Variants in CDKN2AIPNL observed in about 807,000 individuals in gnomAD.
CDKN2AIPNL encodes the protein XRN2 binding domain containing 1.
Under a neutral mutation model 12.9 loss-of-function variants are expected in CDKN2AIPNL, and 9 were observed. The ratio of observed to expected loss-of-function variants is 0.70; its 90% CI spans 0.42 to 1.22. The LOEUF (loss-of-function observed/expected upper bound fraction) is 1.22, where lower values mean the gene tolerates loss of function less well. CDKN2AIPNL is among the 50% of genes most tolerant of loss of function. The pLI is 0.00. For missense variants in CDKN2AIPNL, 143 were observed against 153.6 expected (o/e 0.93, Z 0.37); for synonymous variants, 53 against 61.7 (o/e 0.86, Z 0.66).
rs1203616496 is a variant in CDKN2AIPNL at position 134,402,255 on chromosome 5, C to G, written c.*660G>C. The G allele has an allele frequency of 2.0e-5, 3 of 152,080 alleles. No individual in the cohort carries two copies. Among genetic ancestry groups the G allele is most frequent in the African/African-American group, 7.2e-5 (3 of 41,386 alleles). The allele number at this position is 152,080 out of a possible 1,614,324, so 9.4% of individuals were successfully genotyped here. A position where few individuals can be genotyped will look rare whatever the true frequency, so the allele number is the denominator to read the frequency against. On this transcript the variant is annotated 3_prime_UTR_variant, in exon 3 of 3. Transcript: ENST00000458198. ...GGGATTACAGATGTCCGCCACCATG[C>G]CCAGCTAATTTTGTTTGTATTTTTA...
At chr5:134,408,624 G>T (rs1759143229) in intron 2 of CDKN2AIPNL, among the ~76,000 whole-genome samples, 1 of 151,644 alleles carries the variant, frequency 6.6e-6, no homozygotes, top group African/African-American at 2.4e-5. Context: ...GGCAGAGCTT[G>T]CAGTGAGCCC....
chr5:134,404,445 T>A (rs557222644), intron 2 of CDKN2AIPNL, among the ~76,000 whole-genome samples: 1 of 152,200 alleles, frequency 6.6e-6, no homozygotes, highest in South Asian at 2.1e-4. Flanking sequence ...CACCTCAGCC[T>A]CTCGAGTAGC....
At chr5:134,411,210 T>C (rs1419716167) in intron 1 of CDKN2AIPNL, 2 of 659,868 alleles carry the variant, frequency 3.0e-6, no homozygotes, top group Non-Finnish European at 5.5e-6. Context: ...CTTTTTCATC[T>C]GTAAAATGGG....
At position 134,410,260 on chromosome 5, in the gene CDKN2AIPNL, C is replaced by T. The variant is rs542570053; in HGVS notation, c.240-258G>A. ...AAGCAATTCTCCTGCCTCAGCCTCC[C>T]GAGTAGCTGGGATTACAGGCGTGTG... On this transcript the variant is annotated intron_variant, in intron 1 of 2. Transcript: ENST00000458198. Among the ~76,000 whole-genome samples the T allele has an allele frequency of 3.3e-5, 5 of 152,236 alleles. No individual in the cohort carries two copies. In the South Asian group the frequency reaches 8.3e-4, roughly 25 times the overall value.
intron 1 of CDKN2AIPNL, chr5:134,411,106 A>G (rs1759184068): frequency 1.4e-6 from 1 of 702,600 alleles, no homozygotes; most frequent in Non-Finnish European, 2.6e-6. Context: ...AGAAAAAGCC[A>G]TAGGATACAG....
intron 2 of CDKN2AIPNL, among the ~76,000 whole-genome samples, chr5:134,407,648 G>C (rs369332081): frequency 1.3e-5 from 2 of 151,846 alleles, no homozygotes; most frequent in African/African-American, 4.8e-5. Flanking sequence ...GGTGGCAGGC[G>C]CCTGTAATCC....
intron 2 of CDKN2AIPNL, among the ~76,000 whole-genome samples, chr5:134,408,833 T>A (rs973580713): frequency 3.9e-5 from 6 of 152,184 alleles, no homozygotes; most frequent in Admixed American, 3.9e-4. Flanking sequence ...CAGGTTCAGA[T>A]TAAAACTAAA....
chr5:134,408,086 G>A (rs765039785), intron 2 of CDKN2AIPNL, among the ~76,000 whole-genome samples: 1 of 151,458 alleles, frequency 6.6e-6, no homozygotes, highest in Non-Finnish European at 1.5e-5. Context: ...AGCTGAGATC[G>A]TGCCACTGCA....
At chr5:134,404,837 G>A (rs1182900224) in intron 2 of CDKN2AIPNL, among the ~76,000 whole-genome samples, 1 of 152,100 alleles carries the variant, frequency 6.6e-6, no homozygotes, top group East Asian at 1.9e-4. Context: ...CCAGGCTAGA[G>A]TACAGCGGTG....
At position 134,411,843 on chromosome 5, in the gene CDKN2AIPNL, G is replaced by T. The variant is rs952144186; in HGVS notation, c.12C>A (p.Gly4=). 1 of 1,566,220 alleles carries T rather than the reference G, an allele frequency of 6.4e-7. No individual in the cohort carries two copies. The highest frequency in any genetic ancestry group is 2.4e-5 in the East Asian group (1 of 41,582). Reference sequence around the variant, plus strand: ...GCTCCTCCACTGCGGCAGCCGCCTCGCCACCGACCATGGTGCCCGCCGCAG... The same window carrying T: ...GCTCCTCCACTGCGGCAGCCGCCTCTCCACCGACCATGGTGCCCGCCGCAG... MVG[G]EAAAAVEELV... The change falls in exon 1 of 3, where the codon GGC becomes GGA. Residue 4 remains glycine, a synonymous_variant. Transcript: ENST00000458198.
Position 134,409,929 on chromosome 5 carries a change from T to TA in CDKN2AIPNL, c.312dup (p.Thr105TyrfsTer5). 3 of 1,611,720 alleles carry TA rather than the reference T, an allele frequency of 1.9e-6. No homozygotes were observed. Among genetic ancestry groups the TA allele is most frequent in the Non-Finnish European group, 2.5e-6 (3 of 1,179,334 alleles). The stretch of plus-strand genomic sequence containing the variant: ...TTTTTCATTAATTCACTTCTGGTAG[T>TA]AAATTGTGGCAGGTCTTCCACTTCA... On this transcript the variant is annotated frameshift_variant, in exon 2 of 3. Coordinates refer to ENST00000458198, the MANE Select transcript of CDKN2AIPNL (RefSeq NM_080656.3). LOFTEE classifies it high-confidence loss of function.
intron 2 of CDKN2AIPNL, among the ~76,000 whole-genome samples, chr5:134,408,885 G>A (rs1431579336): frequency 6.6e-6 from 1 of 152,132 alleles, no homozygotes; most frequent in East Asian, 1.9e-4. Context: ...TGAAAATCAA[G>A]TGGGGTGTAC....
intron 2 of CDKN2AIPNL, 92 bp from the exon 3 acceptor site, chr5:134,403,018 A>G (rs1581332925): frequency 3.8e-6 from 4 of 1,051,136 alleles, no homozygotes; most frequent in Non-Finnish European, 4.3e-6. Context: ...GTGATGTAAT[A>G]TTTATGTACT....
intron 1 of CDKN2AIPNL, among the ~76,000 whole-genome samples, chr5:134,411,288 C>T (rs1279918217): frequency 6.6e-6 from 1 of 152,190 alleles, no homozygotes; most frequent in African/African-American, 2.4e-5. Context: ...CGAATGCATA[C>T]TGCAAAGGTG....
At chr5:134,404,427 G>A (rs1404957713) in intron 2 of CDKN2AIPNL, among the ~76,000 whole-genome samples, 1 of 152,078 alleles carries the variant, frequency 6.6e-6, no homozygotes, top group Non-Finnish European at 1.5e-5. Context: ...AGGCTCAAGT[G>A]ATCCTCCCAC....
chr5:134,411,125 C>T (rs969933347), intron 1 of CDKN2AIPNL: 1 of 702,476 alleles, frequency 1.4e-6, no homozygotes. Context: ...AGATTACATC[C>T]TCTCATTAGT....
intron 2 of CDKN2AIPNL, among the ~76,000 whole-genome samples, chr5:134,403,512 T>C (rs1333943619): frequency 6.6e-6 from 1 of 152,210 alleles, no homozygotes; most frequent in African/African-American, 2.4e-5. Flanking sequence ...GGCTGTCACC[T>C]TGTATTTGAA....
intron 2 of CDKN2AIPNL, among the ~76,000 whole-genome samples, chr5:134,407,256 AACACACACAC>A (rs5871539): frequency 4.1e-4 from 57 of 139,708 alleles, no homozygotes; most frequent in East Asian, 3.0e-3. Context: ...GACCCTTCCT[AACACACACAC>A]ACACACACAC....
chr5:134,406,110 T>C (rs1425799400), intron 2 of CDKN2AIPNL, among the ~76,000 whole-genome samples: 1 of 152,222 alleles, frequency 6.6e-6, no homozygotes, highest in Non-Finnish European at 1.5e-5. Flanking sequence ...CAGAAACCAA[T>C]GCTCATTTCT....
Sources: allele counts gnomAD v4.1 joint callset (sites outside exome capture counted in the v4.1 genomes callset), GRCh38; gene constraint gnomAD v4.1.1; transcripts MANE v1.5; gene names NCBI Gene and HGNC (gene_info 2026-07-23, HGNC 2026-07-21).